The following ZDHHC2 variants were observed in gnomAD, a reference collection of about 807,000 sequenced individuals.
ZDHHC2 encodes palmitoyltransferase ZDHHC2.
A neutral mutation model predicts 55.6 loss-of-function variants in ZDHHC2; 51 were observed. The observed-to-expected ratio is 0.92, with a 90% CI of 0.73 to 1.16. The LOEUF is 1.16. Ranked by LOEUF, ZDHHC2 falls within the 50% of genes most tolerant of loss-of-function variation. The probability of loss-of-function intolerance (pLI) is 0.00; values close to 1 mark genes in which losing one functional copy is unlikely to be tolerated. For synonymous variants in ZDHHC2, 199 were observed against 152.9 expected (o/e 1.30, Z -2.22); for missense variants, 491 against 442.4 (o/e 1.11, Z -0.99).
intron 10 of ZDHHC2, among the ~76,000 whole-genome samples, chr8:17,212,122 C>T (rs1326373045): frequency 6.6e-6 from 1 of 152,082 alleles, no homozygotes; most frequent in Admixed American, 6.6e-5. Flanking sequence ...GCCTCTGTTT[C>T]CTTTCCTTTG....
intron 1 of ZDHHC2, among the ~76,000 whole-genome samples, chr8:17,172,935 C>T (rs1384264394): frequency 2.0e-5 from 3 of 152,164 alleles, no homozygotes; most frequent in African/African-American, 7.2e-5. Flanking sequence ...TCAGGTAGTG[C>T]CCTGAAATAT....
At chr8:17,205,515 G>A in intron 6 of ZDHHC2, 140 bp from the exon 7 acceptor site, 1 of 927,144 alleles carries the variant, frequency 1.1e-6, no homozygotes, top group Non-Finnish European at 1.5e-6. Flanking sequence ...ATGATTGTAT[G>A]CATAAAGAAA....
rs1284493072 is a variant in ZDHHC2 at position 17,221,389 on chromosome 8, A to T, written c.*1168A>T. On this transcript the variant is annotated 3_prime_UTR_variant, in exon 13 of 13. Coordinates refer to ENST00000262096, the MANE Select transcript of ZDHHC2 (RefSeq NM_016353.5). ...CTCTTGTGCCTTGTATGCACTATTT[A>T]AAAAAAGTTTTTTTTATTTGAGTCC... The T allele has an allele frequency of 1.3e-5, 2 of 151,500 alleles. No individual in the cohort carries two copies. The highest frequency in any genetic ancestry group is 2.1e-4 in the South Asian group (1 of 4,828). 9.4% of individuals were successfully genotyped at this position (151,500 alleles called of 1,614,324 possible).
intron 1 of ZDHHC2, among the ~76,000 whole-genome samples, chr8:17,164,163 A>T (rs923917036): frequency 6.6e-6 from 1 of 152,200 alleles, no homozygotes; most frequent in Admixed American, 6.5e-5. Flanking sequence ...ACTTTATATC[A>T]TTTATGTAGC....
intron 1 of ZDHHC2, among the ~76,000 whole-genome samples, chr8:17,181,284 C>T (rs1317382351): frequency 6.6e-6 from 1 of 152,182 alleles, no homozygotes; most frequent in African/African-American, 2.4e-5. Context: ...TGCTCTATGC[C>T]AGTTCTTGTG....
At chr8:17,193,670 C>T (rs972390349) in intron 3 of ZDHHC2, among the ~76,000 whole-genome samples, 2 of 152,270 alleles carry the variant, frequency 1.3e-5, no homozygotes, top group African/African-American at 4.8e-5. Flanking sequence ...GATGCCATCA[C>T]AGATCCAAAG....
chr8:17,216,812 A>G (rs908594769), intron 11 of ZDHHC2, among the ~76,000 whole-genome samples: 4 of 152,148 alleles, frequency 2.6e-5, no homozygotes, highest in African/African-American at 2.4e-5. Flanking sequence ...GAGGTGAGAA[A>G]GTGCTCAAAG....
At chr8:17,169,750 A>G (rs1804764694) in intron 1 of ZDHHC2, among the ~76,000 whole-genome samples, 1 of 152,208 alleles carries the variant, frequency 6.6e-6, no homozygotes, top group South Asian at 2.1e-4. Flanking sequence ...CATACATAAA[A>G]TGAGGGGAGA....
chr8:17,171,148 G>A (rs1481096344), intron 1 of ZDHHC2, among the ~76,000 whole-genome samples: 4 of 152,132 alleles, frequency 2.6e-5, no homozygotes, highest in Non-Finnish European at 5.9e-5. Context: ...AAGGAGGGGG[G>A]TGGGGCTGAA....
chr8:17,181,692 C>G (rs1197672674), intron 1 of ZDHHC2, among the ~76,000 whole-genome samples: 1 of 152,048 alleles, frequency 6.6e-6, no homozygotes, highest in Non-Finnish European at 1.5e-5. Context: ...CACATTAAAA[C>G]CAATAGTTAT....
At position 17,203,812 on chromosome 8, in the gene ZDHHC2, T is replaced by TC. The variant is rs1443654567; in HGVS notation, c.477-1843_477-1842insC. ...CAATTTGTGGCTTCTTTTTTTTCTT[T>TC]TTTTTTTTTTTTTTGAGAGGAAGTC... On this transcript the variant is annotated intron_variant, in intron 6 of 12. Coordinates refer to ENST00000262096, the MANE Select transcript of ZDHHC2 (RefSeq NM_016353.5). Among the ~76,000 whole-genome samples the TC allele has an allele frequency of 5.2e-4, 17 of 32,408 alleles. No homozygotes were observed. In the East Asian group the frequency reaches 6.2e-3, roughly 12 times the overall value. 21.3% of individuals were successfully genotyped at this position (32,408 alleles called of 152,430 possible).
intron 3 of ZDHHC2, among the ~76,000 whole-genome samples, chr8:17,193,501 T>C (rs560068638): frequency 9.2e-5 from 14 of 152,326 alleles, no homozygotes; most frequent in Middle Eastern, 3.4e-3. Flanking sequence ...CAGGATAGCA[T>C]TGGGTCTCGC....
At chr8:17,193,468 CTG>C (rs1340518704) in intron 3 of ZDHHC2, among the ~76,000 whole-genome samples, 13 of 152,238 alleles carry the variant, frequency 8.5e-5, no homozygotes, top group African/African-American at 2.7e-4. Flanking sequence ...ACCACTGGGA[CTG>C]TGCTCAGTCA....
chr8:17,194,561 CAT>C (rs1014307221), intron 3 of ZDHHC2, among the ~76,000 whole-genome samples: 1 of 151,872 alleles, frequency 6.6e-6, no homozygotes, highest in Non-Finnish European at 1.5e-5. Flanking sequence ...AATTTTATCA[CAT>C]GTGCATGTAT....
chr8:17,184,079 C>G (rs1760199973), intron 1 of ZDHHC2, among the ~76,000 whole-genome samples: 2 of 152,120 alleles, frequency 1.3e-5, no homozygotes, highest in South Asian at 4.1e-4. Flanking sequence ...GACTCTAGTA[C>G]AAAGAGAGAG....
intron 12 of ZDHHC2, among the ~76,000 whole-genome samples, chr8:17,217,807 C>T (rs1354986960): frequency 6.6e-6 from 1 of 151,984 alleles, no homozygotes; most frequent in African/African-American, 2.4e-5. Context: ...TTTAAACCTG[C>T]AGTTCCAAAT....
chr8:17,173,769 A>G (rs1411851915), intron 1 of ZDHHC2, among the ~76,000 whole-genome samples: 1 of 152,154 alleles, frequency 6.6e-6, no homozygotes, highest in African/African-American at 2.4e-5. Flanking sequence ...GTAAAGCTGC[A>G]GTCTGATTTT....
At chr8:17,216,512 A>T (rs535972092) in intron 11 of ZDHHC2, among the ~76,000 whole-genome samples, 4 of 152,292 alleles carry the variant, frequency 2.6e-5, no homozygotes, top group African/African-American at 9.6e-5. Flanking sequence ...ACAAAAGTTG[A>T]TGACACTGAT....
chr8:17,211,336 A>G lies in ZDHHC2; in HGVS notation c.950+856A>G, dbSNP rs527572429. ...CTTTTCTTAGTTGCTGCAGTGCCAC[A>G]TACACAGTATCCACACCAACACTCC... On this transcript the variant is annotated intron_variant, in intron 10 of 12. Coordinates refer to ENST00000262096, the MANE Select transcript of ZDHHC2 (RefSeq NM_016353.5). Among the ~76,000 whole-genome samples, 74 of 152,252 alleles carry G rather than the reference A, an allele frequency of 4.9e-4. 1 individual carries two copies. In the Middle Eastern group the frequency reaches 0.01, roughly 21 times the overall value.
Sources: allele counts gnomAD v4.1 joint callset (sites outside exome capture counted in the v4.1 genomes callset), GRCh38; gene constraint gnomAD v4.1.1; transcripts MANE v1.5; gene names NCBI Gene and HGNC (gene_info 2026-07-23, HGNC 2026-07-21).